ZBTB16: variants seen among roughly 807,000 people sequenced by gnomAD.
ZBTB16 encodes zinc finger and BTB domain containing 16, also known as zinc finger and BTB domain-containing protein 16.
In ZBTB16, 8 loss-of-function variants were observed where a neutral mutation model predicts 56.8. The observed-to-expected ratio is 0.14, with a 90% confidence interval of 0.08 to 0.25. The LOEUF is 0.25. ZBTB16 is among the 10% of genes least tolerant of loss of function. The pLI, the probability that ZBTB16 is intolerant of heterozygous loss-of-function variation, is 1.00. For synonymous variants in ZBTB16, 363 were observed against 368.5 expected (o/e 0.98, Z 0.17); for missense variants, 625 against 903.0 (o/e 0.69, Z 3.95).
Position 114,250,656 on chromosome 11 carries a change from A to G in ZBTB16, c.*101A>G, listed in dbSNP as rs574397487. 1.3e-4 allele frequency: 177 copies of G among 1,344,116 alleles called. No individual in the cohort carries two copies. In the East Asian group the frequency reaches 4.2e-3, roughly 32 times the overall value. 83.3% of individuals were successfully genotyped at this position (1,344,116 alleles called of 1,614,324 possible). A position where few individuals can be genotyped will look rare whatever the true frequency, so the allele number is the denominator to read the frequency against. ...ACAAATAAAAAAGGAAAAGAAAAAAAAAAACAGAAGGAAAAGGAAACCTGG... is the reference window on the plus strand; with the variant it reads ...ACAAATAAAAAAGGAAAAGAAAAAAGAAAACAGAAGGAAAAGGAAACCTGG... On this transcript the variant is annotated 3_prime_UTR_variant, in exon 7 of 7. Transcript: ENST00000335953. The surrounding 1 kb of genome is among the most constrained non-coding windows in gnomAD (Gnocchi z 6.0).
At chr11:114,110,061 T>C (rs1368437757) in intron 2 of ZBTB16, among the ~76,000 whole-genome samples, 1 of 151,876 alleles carries the variant, frequency 6.6e-6, no homozygotes, top group African/African-American at 2.4e-5. Context: ...GGGACTAGAC[T>C]CTCAGAGAAG....
chr11:114,188,678 A>C (rs557286185), intron 4 of ZBTB16: 20 of 152,354 alleles, frequency 1.3e-4, no homozygotes, highest in African/African-American at 4.8e-4. Flanking sequence ...TGCATGAGAC[A>C]GACGACATTG....
chr11:114,122,590 G>A (rs1009090137), intron 2 of ZBTB16, among the ~76,000 whole-genome samples: 1 of 152,194 alleles, frequency 6.6e-6, no homozygotes, highest in African/African-American at 2.4e-5. Flanking sequence ...TGAAAGGCAA[G>A]TGAGCGGAAC....
At chr11:114,117,595 G>T (rs1452267739) in intron 2 of ZBTB16, among the ~76,000 whole-genome samples, 2 of 152,146 alleles carry the variant, frequency 1.3e-5, no homozygotes, top group African/African-American at 4.8e-5. Context: ...TGGATAACTG[G>T]TGGATGGTGG....
intron 3 of ZBTB16, 77 bp from the exon 4 acceptor site, chr11:114,186,875 G>A: frequency 7.1e-7 from 1 of 1,411,812 alleles, no homozygotes; most frequent in Non-Finnish European, 1.0e-6. Flanking sequence ...GTGTCTACCT[G>A]CACAGTTGTG....
chr11:114,250,266 G>A lies in ZBTB16; in HGVS notation c.1793-60G>A, dbSNP rs1944894495. ...TCCCTGGCACGCCTGAGGGTGACAT[G>A]GTGCCCTCACCGCCTTCTGTCTGTC... is the stretch of plus-strand genomic sequence containing the variant. On this transcript the variant is annotated intron_variant, in intron 6 of 6. Coordinates refer to ENST00000335953, the MANE Select transcript of ZBTB16 (RefSeq NM_006006.6). The surrounding 1 kb of genome is among the most constrained non-coding windows in gnomAD (Gnocchi z 6.0). The A allele has an allele frequency of 1.9e-6, 3 of 1,574,570 alleles. No individual in the cohort carries two copies. The highest frequency in any genetic ancestry group is 1.7e-5 in the Admixed American group (1 of 59,948).
intron 3 of ZBTB16, among the ~76,000 whole-genome samples, chr11:114,171,607 G>A (rs1235655967): frequency 1.3e-5 from 2 of 152,286 alleles, no homozygotes; most frequent in Admixed American, 6.5e-5. Flanking sequence ...CATTGTCACG[G>A]GAGTACTCCA....
In ZBTB16 at chr11:114,156,442, A is replaced by T. The variant is rs983581780; in HGVS notation, c.1366+8A>T. On this transcript the variant is annotated splice_region_variant and intron_variant, in intron 3 of 6. Transcript: ENST00000335953. ...ACTTACTGGCTCATTCAGGTAGGCA[A>T]GTTCGCCTTAGTGGCCCGTTCAGAT... 33 of 1,613,676 alleles carry T rather than the reference A, an allele frequency of 2.0e-5. No homozygotes were observed. The highest frequency in any genetic ancestry group is 2.7e-5 in the African/African-American group (2 of 74,926).
chr11:114,081,213 G>T (rs1438459287), intron 2 of ZBTB16, among the ~76,000 whole-genome samples: 1 of 152,146 alleles, frequency 6.6e-6, no homozygotes, highest in Non-Finnish European at 1.5e-5. Context: ...GAGGGATGCT[G>T]GGGGGTTTCT....
chr11:114,250,660 A>C lies in ZBTB16; in HGVS notation c.*105A>C. On this transcript the variant is annotated 3_prime_UTR_variant, in exon 7 of 7. Coordinates refer to ENST00000335953, the MANE Select transcript of ZBTB16 (RefSeq NM_006006.6). The surrounding 1 kb of genome is among the most constrained non-coding windows in gnomAD (Gnocchi z 6.0). ...ATAAAAAAGGAAAAGAAAAAAAAAA[A>C]CAGAAGGAAAAGGAAACCTGGTAGC... 2.3e-6 allele frequency: 3 copies of C among 1,304,084 alleles called. No homozygotes were observed. The highest frequency in any genetic ancestry group is 2.5e-5 in the East Asian group (1 of 40,162). The allele number at this position is 1,304,084 out of a possible 1,614,324, so 80.8% of individuals were successfully genotyped here.
rs1944988323 is a variant in ZBTB16 at position 114,255,555 on chromosome 11, C to A, written c.*5000C>A. On this transcript the variant is annotated 3_prime_UTR_variant, in exon 7 of 7. Coordinates refer to ENST00000335953, the MANE Select transcript of ZBTB16 (RefSeq NM_006006.6). ...TCTCTCCTGCCTCCTGCTGCCCCCT[C>A]CCCAGCCCACTTCCCCGAGTTGTGC... 6.6e-6 allele frequency among the ~76,000 whole-genome samples: 1 copy of A among 151,700 alleles called. No homozygotes were observed. The highest frequency in any genetic ancestry group is 1.5e-5 in the Non-Finnish European group (1 of 67,930).
Position 114,059,849 on chromosome 11 carries a change from G to T in ZBTB16, c.-124G>T. 1 of 397,734 alleles carries T rather than the reference G, an allele frequency of 2.5e-6. No homozygotes were observed. Among genetic ancestry groups the T allele is most frequent in the South Asian group, 1.3e-4 (1 of 7,848 alleles). 24.6% of individuals were successfully genotyped at this position (397,734 alleles called of 1,614,324 possible). On this transcript the variant is annotated 5_prime_UTR_variant, in exon 1 of 7. Coordinates refer to ENST00000335953, the MANE Select transcript of ZBTB16 (RefSeq NM_006006.6). The surrounding 1 kb of genome is among the most constrained non-coding windows in gnomAD (Gnocchi z 5.3). ...CAGGCACACACCCCCCGACAGGCAC[G>T]CACACCCACCCCACAGTGCCCGGCT...
chr11:114,090,482 C>T (rs1014075543), intron 2 of ZBTB16, among the ~76,000 whole-genome samples: 8 of 152,220 alleles, frequency 5.3e-5, no homozygotes, highest in Non-Finnish European at 1.2e-4. Context: ...GGGGAGCTCC[C>T]TCTCTCCCCT....
At chr11:114,245,720 T>C (rs771691059) in intron 5 of ZBTB16, among the ~76,000 whole-genome samples, 7 of 152,102 alleles carry the variant, frequency 4.6e-5, no homozygotes, top group Admixed American at 6.5e-5. Context: ...ACGTAGGTCA[T>C]TGTGGATGAC....
intron 4 of ZBTB16, among the ~76,000 whole-genome samples, chr11:114,204,491 T>G (rs556271731): frequency 6.6e-6 from 1 of 152,292 alleles, no homozygotes; most frequent in South Asian, 2.1e-4. Flanking sequence ...GCATACTGTT[T>G]TGTAATCTGT....
intron 2 of ZBTB16, among the ~76,000 whole-genome samples, chr11:114,074,848 T>C (rs1939487490): frequency 6.6e-6 from 1 of 152,208 alleles, no homozygotes; most frequent in Non-Finnish European, 1.5e-5. Context: ...GCAGGATGCT[T>C]GGGATTTCAG....
chr11:114,097,093 A>G (rs1483688011), intron 2 of ZBTB16, among the ~76,000 whole-genome samples: 1 of 152,252 alleles, frequency 6.6e-6, no homozygotes, highest in African/African-American at 2.4e-5. Flanking sequence ...TGGTATATAC[A>G]TATAGTGGAA....
At chr11:114,191,767 C>T (rs1233974715) in intron 4 of ZBTB16, among the ~76,000 whole-genome samples, 2 of 150,068 alleles carry the variant, frequency 1.3e-5, no homozygotes, top group African/African-American at 2.4e-5. Flanking sequence ...ACTATACACA[C>T]ATGCATGCAC....
At chr11:114,071,915 G>A (rs764562280) in intron 2 of ZBTB16, among the ~76,000 whole-genome samples, 8 of 149,450 alleles carry the variant, frequency 5.4e-5, no homozygotes, top group African/African-American at 5.1e-5. Context: ...TGTGACAGTG[G>A]TTGTGTTACT....
Sources: gnomAD v4.1 joint callset for allele counts (sites outside exome capture counted in the v4.1 genomes callset) on GRCh38, gnomAD v4.1.1 for gene constraint, Gnocchi (gnomAD v3.1) non-coding constraint, MANE v1.5 for transcripts, NCBI Gene and HGNC (gene_info 2026-07-23, HGNC 2026-07-21) for gene names.